Variants in GIT2 observed in about 807,000 individuals in gnomAD.
GIT2 encodes ARF GTPase-activating protein GIT2.
A neutral mutation model predicts 100.3 loss-of-function variants in GIT2; 32 were observed. The ratio of observed to expected loss-of-function variants is 0.32; its 90% confidence interval spans 0.24 to 0.43. GIT2 has a LOEUF of 0.43. Among genes scored for constraint, GIT2 ranks in the 20% least tolerant of loss-of-function variants. The pLI is 1.00. For synonymous variants in GIT2, 353 were observed against 364.1 expected, an observed-to-expected ratio of 0.97 and a Z score of 0.35; for missense variants, 737 against 975.1, an observed-to-expected ratio of 0.76 and a Z score of 3.25.
At chr12:109,949,654 C>G (rs1877300603) in intron 14 of GIT2, among the ~76,000 whole-genome samples, 8 of 152,134 alleles carry the variant, frequency 5.3e-5, no homozygotes. Context: ...AATCAATAAG[C>G]AAAAGCAAAT....
intron 4 of GIT2, among the ~76,000 whole-genome samples, chr12:109,988,472 G>A (rs1169377108): frequency 2.6e-5 from 4 of 152,020 alleles, no homozygotes; most frequent in Non-Finnish European, 5.9e-5. Context: ...AGCCTGGATG[G>A]TCAAGGCTGC....
intron 7 of GIT2, among the ~76,000 whole-genome samples, chr12:109,977,134 A>G (rs1249514756): frequency 6.6e-6 from 1 of 151,914 alleles, no homozygotes; most frequent in African/African-American, 2.4e-5. Context: ...TTCCAAAGTT[A>G]TTTTCATTGG....
chr12:109,970,488 GTCTTAAAAAAACAGAA>G (rs1883580591), intron 7 of GIT2, among the ~76,000 whole-genome samples: 1 of 152,042 alleles, frequency 6.6e-6, no homozygotes, highest in African/African-American at 2.4e-5. Flanking sequence ...GCAAGACTCC[GTCTTAAAAAAACAGAA>G]AACAACAACA....
chr12:109,994,539 T>C (rs1275224167), intron 1 of GIT2, among the ~76,000 whole-genome samples: 1 of 152,180 alleles, frequency 6.6e-6, no homozygotes, highest in African/African-American at 2.4e-5. Flanking sequence ...TATTTCAAGG[T>C]AGCCTAATTA....
intron 9 of GIT2, among the ~76,000 whole-genome samples, chr12:109,964,488 T>C (rs1191574291): frequency 6.6e-6 from 1 of 152,110 alleles, no homozygotes; most frequent in Non-Finnish European, 1.5e-5. Context: ...AGCCGCTACC[T>C]ACACTGGTCA....
Position 109,967,407 on chromosome 12 carries a change from CA to C in GIT2, c.764+50del, listed in dbSNP as rs1565981229. Reference sequence around the variant, plus strand: ...ATAATATACTTAAACATAATACAACCAAGGAAATATTAGCGATAGACAAAAC... The same window carrying C: ...ATAATATACTTAAACATAATACAACCAGGAAATATTAGCGATAGACAAAAC... On this transcript the variant is annotated intron_variant, in intron 8 of 19. Coordinates refer to ENST00000355312, the MANE Select transcript of GIT2 (RefSeq NM_057169.5). The C allele has an allele frequency of 2.0e-6, 3 of 1,509,146 alleles. No homozygotes were observed. In the Admixed American group the frequency reaches 5.1e-5, roughly 25 times the overall value. 93.5% of individuals were successfully genotyped at this position (1,509,146 alleles called of 1,614,324 possible).
In GIT2 at chr12:109,962,130, A is replaced by C. The variant is rs1234690126; in HGVS notation, c.817-445T>G. ...CACTTTGGGAGACTGAGGCAGGTGG[A>C]TTGCTTAAGCCCAGGAGTTCGAGAC... On this transcript the variant is annotated intron_variant, in intron 9 of 19. Coordinates refer to ENST00000355312, the MANE Select transcript of GIT2 (RefSeq NM_057169.5). The surrounding 1 kb of genome is among the most constrained non-coding windows in gnomAD (Gnocchi z 4.3). 4.6e-5 allele frequency among the ~76,000 whole-genome samples: 7 copies of C among 152,170 alleles called. No homozygotes were observed. The highest frequency in any genetic ancestry group is 1.0e-4 in the Non-Finnish European group (7 of 68,026).
At chr12:109,950,070 T>C (rs1877414981) in intron 14 of GIT2, among the ~76,000 whole-genome samples, 1 of 152,242 alleles carries the variant, frequency 6.6e-6, no homozygotes, top group Admixed American at 6.5e-5. Flanking sequence ...CTATAGGCAT[T>C]AGAGCCATTT....
chr12:109,961,438 G>T, intron 10 of GIT2, 63 bp from the exon 11 acceptor site: 1 of 1,108,618 alleles, frequency 9.0e-7, no homozygotes, highest in Non-Finnish European at 1.4e-6. Flanking sequence ...CTCCTGGGAG[G>T]CACAGCTCAC....
At chr12:109,965,870 A>C in intron 8 of GIT2, 1 of 516,602 alleles carries the variant, frequency 1.9e-6, no homozygotes, top group South Asian at 1.6e-5. Context: ...TTATGTGAGG[A>C]GTCACAATTT....
intron 12 of GIT2, among the ~76,000 whole-genome samples, chr12:109,957,582 C>T (rs1284275769): frequency 6.6e-6 from 1 of 151,352 alleles, no homozygotes; most frequent in Non-Finnish European, 1.5e-5. Flanking sequence ...TCTTGGCTCA[C>T]TGCAAGCTCC....
rs1877776024 is a variant in GIT2, at chr12:109,951,293, A to G, written c.1266T>C (p.Asp422=). Residue 422 remains aspartate, a synonymous_variant, in exon 14 of 20, where the codon GAT becomes GAC. Coordinates refer to ENST00000355312, the MANE Select transcript of GIT2 (RefSeq NM_057169.5). ...RQKSLDSDLS[D]GPVTVQEFME... ...TAAATTCCTGTACAGTGACTGGTCC[A>G]TCTGATAAATCTGAATCTAGGCTCT... The G allele has an allele frequency of 6.2e-7, 1 of 1,611,474 alleles. No homozygotes were observed. The highest frequency in any genetic ancestry group is 8.5e-7 in the Non-Finnish European group (1 of 1,177,778).
intron 1 of GIT2, among the ~76,000 whole-genome samples, chr12:109,994,289 T>C (rs1262969557): frequency 6.6e-6 from 1 of 152,182 alleles, no homozygotes; most frequent in Non-Finnish European, 1.5e-5. Flanking sequence ...ATGAATGAGA[T>C]TGGGTAAAAC....
chr12:109,987,363 G>A (rs762661259), intron 4 of GIT2, among the ~76,000 whole-genome samples: 1 of 151,822 alleles, frequency 6.6e-6, no homozygotes, highest in African/African-American at 2.4e-5. Flanking sequence ...CAGCTTGGGC[G>A]ACTGAGCAAG....
intron 6 of GIT2, chr12:109,983,080 A>G (rs750261641): frequency 1.8e-5 from 5 of 280,102 alleles, no homozygotes; most frequent in South Asian, 6.6e-5. Context: ...ACAGAAGAGT[A>G]CATTCTGTAA....
chr12:109,960,880 T>C (rs1390144708), intron 11 of GIT2, among the ~76,000 whole-genome samples: 1 of 152,232 alleles, frequency 6.6e-6, no homozygotes, highest in Non-Finnish European at 1.5e-5. Context: ...TTTTCTAACA[T>C]CTACAGCAAT....
intron 4 of GIT2, among the ~76,000 whole-genome samples, chr12:109,985,642 G>C (rs962294498): frequency 7.2e-5 from 11 of 152,242 alleles, no homozygotes; most frequent in Admixed American, 1.3e-4. Context: ...TTGAGGTCAG[G>C]AGTTCAAGAC....
chr12:109,981,220 TA>T (rs1272804883), intron 6 of GIT2, 174 bp from the exon 7 acceptor site: 1 of 577,886 alleles, frequency 1.7e-6, no homozygotes, highest in African/African-American at 1.9e-5. Context: ...CCCACTTTTA[TA>T]AACTGTTTTC....
At chr12:109,995,902 GC>G (rs1889298439) in intron 1 of GIT2, among the ~76,000 whole-genome samples, 2 of 152,320 alleles carry the variant, frequency 1.3e-5, no homozygotes, top group South Asian at 4.1e-4. Context: ...TGGGGGAGCA[GC>G]CCTGGCCCCC....
Sources: gnomAD v4.1 joint callset for allele counts (sites outside exome capture counted in the v4.1 genomes callset) on GRCh38, gnomAD v4.1.1 for gene constraint, Gnocchi (gnomAD v3.1) non-coding constraint, MANE v1.5 for transcripts, NCBI Gene and HGNC (gene_info 2026-07-23, HGNC 2026-07-21) for gene names.